The following IPO11 variants were observed in gnomAD, a reference collection of about 807,000 sequenced individuals.
IPO11 encodes the protein importin 11, also known as importin-11.
Under a neutral mutation model 143.2 loss-of-function variants are expected in IPO11, and 66 were observed. That is an observed-to-expected ratio of 0.46 (90% CI 0.38 to 0.57). The LOEUF (loss-of-function observed/expected upper bound fraction) is 0.57. Among genes scored for constraint, IPO11 ranks in the 20% least tolerant of loss-of-function variants. The probability of loss-of-function intolerance (pLI) is 0.00; values close to 1 mark genes in which losing one functional copy is unlikely to be tolerated. For missense variants in IPO11, 1,026 were observed against 1,141.0 expected, an observed-to-expected ratio of 0.90 and a Z score of 1.45; for synonymous variants, 385 against 377.8, an observed-to-expected ratio of 1.02 and a Z score of -0.22.
At chr5:62,496,155 G>A (rs977243123) in intron 16 of IPO11, among the ~76,000 whole-genome samples, 1 of 152,058 alleles carries the variant, frequency 6.6e-6, no homozygotes, top group Non-Finnish European at 1.5e-5. Context: ...GGGCATGGTG[G>A]CATGCGCCTG....
chr5:62,435,180 G>GTGTA (rs1744164284), intron 1 of IPO11, among the ~76,000 whole-genome samples: 1 of 92,752 alleles, frequency 1.1e-5, no homozygotes, highest in East Asian at 3.1e-4. Flanking sequence ...ATGTATATAT[G>GTGTA]TATATATATG....
chr5:62,497,416 A>G (rs1741194437), intron 16 of IPO11, among the ~76,000 whole-genome samples: 1 of 152,152 alleles, frequency 6.6e-6, no homozygotes, highest in Non-Finnish European at 1.5e-5. Flanking sequence ...TTCTCTTTCC[A>G]GTCTCATTCT....
intron 26 of IPO11, among the ~76,000 whole-genome samples, chr5:62,559,142 G>T (rs931890699): frequency 6.6e-6 from 1 of 152,116 alleles, no homozygotes; most frequent in African/African-American, 2.4e-5. Flanking sequence ...CAGGATGGTG[G>T]TTGCTGTAGG....
At chr5:62,569,308 C>A (rs1228062364) in intron 27 of IPO11, among the ~76,000 whole-genome samples, 1 of 152,194 alleles carries the variant, frequency 6.6e-6, no homozygotes, top group African/African-American at 2.4e-5. Context: ...TTTCAATGTG[C>A]CCTTTCTTGT....
intron 27 of IPO11, among the ~76,000 whole-genome samples, chr5:62,565,782 C>G (rs1298546094): frequency 6.6e-6 from 1 of 151,870 alleles, no homozygotes; most frequent in African/African-American, 2.4e-5. Flanking sequence ...CTCCCTCACC[C>G]CCTACCCCCC....
At chr5:62,449,244 T>C (rs539024624) in intron 3 of IPO11, among the ~76,000 whole-genome samples, 3 of 152,366 alleles carry the variant, frequency 2.0e-5, no homozygotes, top group African/African-American at 7.2e-5. Context: ...GTATTCAACA[T>C]GTATACAGTC....
chr5:62,514,031 G>A (rs1741903260), intron 19 of IPO11, among the ~76,000 whole-genome samples: 3 of 151,414 alleles, frequency 2.0e-5, no homozygotes, highest in African/African-American at 7.3e-5. Context: ...TCCTAGATGG[G>A]ATGGGGGCCG....
At chr5:62,413,353 A>G (rs941642969) in intron 1 of IPO11, 1 of 152,220 alleles carries the variant, frequency 6.6e-6, no homozygotes, top group Non-Finnish European at 1.5e-5. Flanking sequence ...TAATAGCAAT[A>G]GTGTGATAGC....
chr5:62,579,777 A>G (rs975719838), intron 27 of IPO11: 6 of 1,542,536 alleles, frequency 3.9e-6, no homozygotes, highest in Middle Eastern at 1.7e-4. Flanking sequence ...TATATTTTCT[A>G]TTTCTAAATA....
chr5:62,528,637 GGT>G (rs1742444481), intron 21 of IPO11, among the ~76,000 whole-genome samples: 1 of 152,082 alleles, frequency 6.6e-6, no homozygotes, highest in African/African-American at 2.4e-5. Flanking sequence ...GGCAGAAGGT[GGT>G]TTTCCAAATT....
chr5:62,541,025 A>G (rs1742917275), intron 24 of IPO11, among the ~76,000 whole-genome samples: 2 of 152,224 alleles, frequency 1.3e-5, no homozygotes, highest in South Asian at 4.1e-4. Flanking sequence ...CAATGATGGT[A>G]TATTATTAGC....
chr5:62,566,632 G>A (rs914556823), intron 27 of IPO11, among the ~76,000 whole-genome samples: 7 of 151,562 alleles, frequency 4.6e-5, no homozygotes, highest in African/African-American at 1.2e-4. Flanking sequence ...TAGCTACTCC[G>A]GAGGCTGAGG....
At chr5:62,571,758 T>C (rs950280998) in intron 27 of IPO11, among the ~76,000 whole-genome samples, 4 of 151,662 alleles carry the variant, frequency 2.6e-5, no homozygotes, top group Non-Finnish European at 5.9e-5. Flanking sequence ...CAATCTCAGC[T>C]CACTGCAACC....
At chr5:62,589,616 G>A (rs1257022844) in intron 27 of IPO11, among the ~76,000 whole-genome samples, 1 of 152,094 alleles carries the variant, frequency 6.6e-6, no homozygotes, top group Admixed American at 6.5e-5. Context: ...CATCTCTTCT[G>A]ATGTGGAGTG....
chr5:62,608,966 CTT>C (rs1745832865), intron 29 of IPO11, among the ~76,000 whole-genome samples: 1 of 152,170 alleles, frequency 6.6e-6, no homozygotes, highest in Non-Finnish European at 1.5e-5. Flanking sequence ...ATCGTTTTGT[CTT>C]TTCTGGAATG....
At chr5:62,466,420 G>A (rs1425283154) in intron 5 of IPO11, among the ~76,000 whole-genome samples, 1 of 152,124 alleles carries the variant, frequency 6.6e-6, no homozygotes, top group African/African-American at 2.4e-5. Context: ...GTAAGAAAAA[G>A]CATTCCGAAG....
At chr5:62,564,435 C>T (rs963384128) in intron 27 of IPO11, among the ~76,000 whole-genome samples, 3 of 152,084 alleles carry the variant, frequency 2.0e-5, no homozygotes, top group Admixed American at 6.6e-5. Flanking sequence ...CCTATTCTTG[C>T]GTTTCTTTTA....
At chr5:62,603,744 G>A (rs937342844) in intron 29 of IPO11, among the ~76,000 whole-genome samples, 12 of 152,198 alleles carry the variant, frequency 7.9e-5, no homozygotes, top group African/African-American at 2.9e-4. Context: ...ACAGACAGTG[G>A]ACCCAGCCCA....
intron 28 of IPO11, among the ~76,000 whole-genome samples, chr5:62,597,226 A>G (rs1173151275): frequency 1.3e-5 from 2 of 152,170 alleles, no homozygotes; most frequent in African/African-American, 4.8e-5. Flanking sequence ...AGGATATAAA[A>G]CTTAGCTATA....
Sources: gnomAD v4.1 joint callset for allele counts (sites outside exome capture counted in the v4.1 genomes callset) on GRCh38, gnomAD v4.1.1 for gene constraint, MANE v1.5 for transcripts, NCBI Gene and HGNC (gene_info 2026-07-23, HGNC 2026-07-21) for gene names.